Variants in ADAMTSL2 observed in about 807,000 individuals in gnomAD.
ADAMTSL2 encodes the protein ADAMTS like 2, also known as ADAMTS-like protein 2.
A neutral mutation model predicts 117.0 loss-of-function variants in ADAMTSL2; 55 were observed. That is an observed-to-expected ratio of 0.47 (90% CI 0.38 to 0.59). The LOEUF (loss-of-function observed/expected upper bound fraction) is 0.59. ADAMTSL2 is among the 20% of genes least tolerant of loss of function. The pLI, the probability that ADAMTSL2 is intolerant of heterozygous loss-of-function variation, is 0.00. For missense variants in ADAMTSL2, 1,182 were observed against 1,354.5 expected, an observed-to-expected ratio of 0.87 and a Z score of 2.00; for synonymous variants, 572 against 566.4, an observed-to-expected ratio of 1.01 and a Z score of -0.14.
At position 133,574,993 on chromosome 9, in the gene ADAMTSL2, G is replaced by A. The variant is rs758945328; in HGVS notation, c.*129G>A. 2.3e-4 allele frequency: 169 copies of A among 735,250 alleles called. No individual in the cohort carries two copies. The highest frequency in any genetic ancestry group is 3.5e-4 in the Non-Finnish European group (148 of 423,468). 45.5% of individuals were successfully genotyped at this position (735,250 alleles called of 1,614,324 possible). On this transcript the variant is annotated 3_prime_UTR_variant, in exon 19 of 19. Transcript: ENST00000651351. ...CCTAAGAGACGTGGCACTGAGCCTC[G>A]GCTGTCGAGAGGGGACTTCCCACGG...
intron 4 of ADAMTSL2, among the ~76,000 whole-genome samples, chr9:133,538,913 A>G (rs1016650305): frequency 6.6e-6 from 1 of 151,636 alleles, no homozygotes; most frequent in African/African-American, 2.4e-5. Flanking sequence ...TCTGACTCTG[A>G]CCAGGCAGCT....
intron 12 of ADAMTSL2, among the ~76,000 whole-genome samples, chr9:133,563,900 AAGGGGAGAGAGAGAGAGG>A (rs1564508705): frequency 1.1e-3 from 2 of 1,770 alleles, no homozygotes; most frequent in Non-Finnish European, 2.6e-3. Flanking sequence ...AGAGAGAGAG[AAGGGGAGAGAGAGAGAGG>A]GAGAGAGAGA....
chr9:133,546,891 G>A (rs2073873), intron 8 of ADAMTSL2, 147 bp from the exon 9 acceptor site: 63 of 839,820 alleles, frequency 7.5e-5, no homozygotes, highest in Non-Finnish European at 1.2e-4. Flanking sequence ...TCACTGGCCA[G>A]ACTCTCCATG....
At position 133,575,072 on chromosome 9, in the gene ADAMTSL2, C is replaced by G. The variant is rs1831197824; in HGVS notation, c.*208C>G. ...AGCCTCCGGCACCCAGTGGCCTCCC[C>G]CAGACAGAGCCACCCCTGCCGTGGG... On this transcript the variant is annotated 3_prime_UTR_variant, in exon 19 of 19. Coordinates refer to ENST00000651351, the MANE Select transcript of ADAMTSL2 (RefSeq NM_014694.4). 3.4e-6 allele frequency: 2 copies of G among 591,670 alleles called. No individual in the cohort carries two copies. Among genetic ancestry groups the G allele is most frequent in the South Asian group, 4.0e-5 (2 of 50,630 alleles). The allele number at this position is 591,670 out of a possible 1,614,324, so 36.7% of individuals were successfully genotyped here.
chr9:133,568,259 C>T lies in ADAMTSL2; in HGVS notation c.1875-14C>T, dbSNP rs1831022017. ...ATGGGGGGGATCATTGAAGGCCATC[C>T]GCTCCCGGGGCAGGTGGGAGACGAG... is the stretch of plus-strand genomic sequence containing the variant. On this transcript the variant is annotated splice_polypyrimidine_tract_variant and intron_variant, in intron 13 of 18. Transcript: ENST00000651351. The T allele has an allele frequency of 6.4e-6, 10 of 1,553,492 alleles. No homozygotes were observed. The highest frequency in any genetic ancestry group is 2.4e-5 in the South Asian group (2 of 84,600).
At chr9:133,543,023 T>C (rs1830261932) in intron 7 of ADAMTSL2, among the ~76,000 whole-genome samples, 1 of 152,120 alleles carries the variant, frequency 6.6e-6, no homozygotes, top group South Asian at 2.1e-4. Context: ...ATCTCGGCTT[T>C]CTGCAACCTC....
intron 12 of ADAMTSL2, among the ~76,000 whole-genome samples, chr9:133,562,728 C>T (rs1353291333): frequency 2.1e-5 from 3 of 140,716 alleles, no homozygotes; most frequent in South Asian, 2.2e-4. Context: ...AGGCTCGCAC[C>T]GCCGTGGGCG....
chr9:133,549,455 G>C (rs184475402), intron 9 of ADAMTSL2, among the ~76,000 whole-genome samples: 1 of 152,064 alleles, frequency 6.6e-6, no homozygotes, highest in Non-Finnish European at 1.5e-5. Context: ...ATCACAAGGG[G>C]CAGGGGGATA....
chr9:133,538,365 G>A lies in ADAMTSL2; in HGVS notation c.250G>A (p.Gly84Ser). Reference sequence around the variant, plus strand: ...TTCTGCCAGGAGGAAGTCCGTCCCGGGCCCCGGGAACAGGACCTGCACGGG... The same window carrying A: ...TTCTGCCAGGAGGAAGTCCGTCCCGAGCCCCGGGAACAGGACCTGCACGGG... ...CLQQRRKSVP[G>S]PGNRTCTGTS... Residue 84 changes from glycine to serine, a missense_variant, in exon 4 of 19, where the codon GGC becomes AGC. This residue lies in a region of ADAMTSL2 where 372 missense variants were observed against 463.4 expected (regional missense o/e 0.80). Transcript: ENST00000651351. 6.2e-7 allele frequency: 1 copy of A among 1,613,336 alleles called. No individual in the cohort carries two copies. Among genetic ancestry groups the A allele is most frequent in the Non-Finnish European group, 8.5e-7 (1 of 1,180,032 alleles).
At position 133,568,719 on chromosome 9, in the gene ADAMTSL2, G is replaced by A. The variant is rs1013022626; in HGVS notation, c.2205G>A (p.Pro735=). The part of the protein sequence containing the change: ...RPVGEKNCTG[P]PCDRQWTVSD... ...TAGGGGAGAAGAACTGCACGGGCCC[G>A]CCCTGTGACCGGCAGTGGACCGTCT... is the stretch of plus-strand genomic sequence containing the variant. Residue 735 remains proline (P), a synonymous_variant, in exon 15 of 19, where the codon CCG becomes CCA. Transcript: ENST00000651351. 3.2e-5 allele frequency: 51 copies of A among 1,613,244 alleles called. No individual in the cohort carries two copies. In the East Asian group the frequency reaches 9.4e-4, roughly 30 times the overall value.
chr9:133,545,469 C>G (rs536506758), intron 8 of ADAMTSL2, among the ~76,000 whole-genome samples: 239 of 152,344 alleles, frequency 1.6e-3, no homozygotes, highest in Non-Finnish European at 2.8e-3. Flanking sequence ...TTCTCCTGTT[C>G]CCTCTCCAGA....
At chr9:133,539,746 G>C in intron 4 of ADAMTSL2, 25 bp from the exon 5 acceptor site, 4 of 1,283,940 alleles carry the variant, frequency 3.1e-6, no homozygotes, top group Non-Finnish European at 3.0e-6. Context: ...TCCTCCCGGA[G>C]CCTCCCTGTC....
intron 17 of ADAMTSL2, among the ~76,000 whole-genome samples, chr9:133,570,970 C>G (rs1006329118): frequency 1.9e-4 from 29 of 152,292 alleles, no homozygotes; most frequent in African/African-American, 6.0e-4. Context: ...AGGACACCGG[C>G]GGGGCCAGAG....
intron 2 of ADAMTSL2, 58 bp from the exon 3 acceptor site, chr9:133,537,347 C>T: frequency 1.5e-6 from 2 of 1,326,246 alleles, no homozygotes; most frequent in Admixed American, 2.9e-5. Context: ...GGGGTGGGGG[C>T]AGGCTGGTCC....
At chr9:133,561,154 G>A in intron 11 of ADAMTSL2, 44 bp from the exon 12 acceptor site, 1 of 1,521,262 alleles carries the variant, frequency 6.6e-7, no homozygotes, top group Non-Finnish European at 9.0e-7. Context: ...TGCCGGTGGG[G>A]CCTGGAGCGT....
At chr9:133,540,331 C>T (rs1014464882) in intron 5 of ADAMTSL2, among the ~76,000 whole-genome samples, 3 of 152,232 alleles carry the variant, frequency 2.0e-5, no homozygotes, top group Non-Finnish European at 2.9e-5. Context: ...TGGCTCAGAC[C>T]TCCTGCAGAG....
intron 7 of ADAMTSL2, 47 bp from the exon 8 acceptor site, chr9:133,544,423 C>T: frequency 6.6e-7 from 1 of 1,514,548 alleles, no homozygotes; most frequent in Non-Finnish European, 9.2e-7. Context: ...CCACCCAAGG[C>T]TGCCTTTCCA....
intron 9 of ADAMTSL2, among the ~76,000 whole-genome samples, chr9:133,553,718 C>T (rs1434815125): frequency 1.3e-5 from 2 of 152,190 alleles, no homozygotes; most frequent in Admixed American, 6.5e-5. Context: ...GCTCCTGACA[C>T]CAGCTGGTTT....
Position 133,561,181 on chromosome 9 carries a change from C to T in ADAMTSL2, c.1650-17C>T. 1.3e-6 allele frequency: 2 copies of T among 1,590,948 alleles called. No homozygotes were observed. Among genetic ancestry groups the T allele is most frequent in the Non-Finnish European group, 1.7e-6 (2 of 1,168,518 alleles). ...CTGGAGCGTCTCATCACCTTCCCTG[C>T]TTGGTCTCGCTTTCAGGACCAGGCC... On this transcript the variant is annotated splice_polypyrimidine_tract_variant and intron_variant, in intron 11 of 18. Transcript: ENST00000651351.
Sources: gnomAD v4.1 joint callset for allele counts (sites outside exome capture counted in the v4.1 genomes callset) on GRCh38, gnomAD v4.1.1 for gene constraint, gnomAD v4.1.1 regional missense constraint, MANE v1.5 for transcripts, NCBI Gene and HGNC (gene_info 2026-07-23, HGNC 2026-07-21) for gene names.